ME1: variants seen among roughly 807,000 people sequenced by gnomAD.
ME1 encodes NADP-dependent malic enzyme.
A neutral mutation model predicts 66.4 loss-of-function variants in ME1; 74 were observed. That is an observed-to-expected ratio of 1.11 (90% CI 0.92 to 1.35). ME1 has a LOEUF of 1.35. ME1 is among the 40% of genes most tolerant of loss of function. ME1 has a pLI of 0.00. For synonymous variants in ME1, 251 were observed against 235.6 expected (o/e 1.07, Z -0.60); for missense variants, 750 against 694.1 (o/e 1.08, Z -0.90).
intron 6 of ME1, among the ~76,000 whole-genome samples, chr6:83,294,158 C>CA (rs1251367602): frequency 5.9e-5 from 9 of 152,168 alleles, no homozygotes; most frequent in African/African-American, 1.9e-4. Flanking sequence ...CACTGAAATA[C>CA]ATGCACAATA....
intron 3 of ME1, among the ~76,000 whole-genome samples, chr6:83,356,670 T>G (rs772954154): frequency 3.9e-5 from 6 of 152,184 alleles, no homozygotes; most frequent in African/African-American, 1.4e-4. Flanking sequence ...GAAAAAATGT[T>G]AAGAAAGCAC....
At chr6:83,379,906 C>T (rs1024324064) in intron 3 of ME1, among the ~76,000 whole-genome samples, 2 of 152,018 alleles carry the variant, frequency 1.3e-5, no homozygotes, top group African/African-American at 2.4e-5. Flanking sequence ...TAAGAGGGAA[C>T]ATTTTACTTA....
At chr6:83,261,651 T>C (rs1766890897) in intron 6 of ME1, among the ~76,000 whole-genome samples, 1 of 151,600 alleles carries the variant, frequency 6.6e-6, no homozygotes, top group African/African-American at 2.4e-5. Context: ...AGTTAAACAG[T>C]GGAAAGATCT....
chr6:83,376,509 GA>G (rs1769292637), intron 3 of ME1, among the ~76,000 whole-genome samples: 2 of 137,896 alleles, frequency 1.5e-5, no homozygotes, highest in African/African-American at 5.4e-5. Context: ...AAAAAAAAAA[GA>G]AAAAAAGAGG....
intron 3 of ME1, among the ~76,000 whole-genome samples, chr6:83,369,028 T>C (rs1478608112): frequency 6.6e-6 from 1 of 152,182 alleles, no homozygotes; most frequent in Non-Finnish European, 1.5e-5. Context: ...TTATTATTAA[T>C]ATACTTTAAG....
chr6:83,372,880 T>A (rs1253332288), intron 3 of ME1, among the ~76,000 whole-genome samples: 1 of 152,232 alleles, frequency 6.6e-6, no homozygotes, highest in Non-Finnish European at 1.5e-5. Context: ...CATTTCCAGC[T>A]ATTCACAATG....
intron 3 of ME1, among the ~76,000 whole-genome samples, chr6:83,384,203 G>A (rs1769467063): frequency 6.6e-6 from 1 of 151,868 alleles, no homozygotes; most frequent in African/African-American, 2.4e-5. Flanking sequence ...TGGGATTGCT[G>A]GGTTGAATGG....
intron 6 of ME1, among the ~76,000 whole-genome samples, chr6:83,275,033 T>G (rs1767150973): frequency 6.6e-6 from 1 of 152,120 alleles, no homozygotes; most frequent in South Asian, 2.1e-4. Context: ...AACAGCAATG[T>G]TAAGATAGGA....
At chr6:83,368,666 C>T (rs1201387533) in intron 3 of ME1, among the ~76,000 whole-genome samples, 8 of 152,094 alleles carry the variant, frequency 5.3e-5, no homozygotes, top group Non-Finnish European at 1.0e-4. Context: ...CATGGATTTA[C>T]AAAACTAACA....
chr6:83,216,296 G>A (rs112811043), intron 13 of ME1, among the ~76,000 whole-genome samples: 61 of 152,136 alleles, frequency 4.0e-4, no homozygotes, highest in African/African-American at 1.5e-3. Flanking sequence ...TTAATTATTC[G>A]GCCCAATACT....
chr6:83,239,710 T>C, intron 7 of ME1, 74 bp from the exon 8 acceptor site: 1 of 1,045,242 alleles, frequency 9.6e-7, no homozygotes, highest in Non-Finnish European at 1.5e-6. Flanking sequence ...TATTCACAAC[T>C]TGAAATAATC....
At chr6:83,214,710 T>A (rs1357312896) in intron 13 of ME1, among the ~76,000 whole-genome samples, 1 of 152,208 alleles carries the variant, frequency 6.6e-6, no homozygotes, top group Non-Finnish European at 1.5e-5. Flanking sequence ...ATGCAGAAGA[T>A]GCCCAGGTCT....
At chr6:83,290,198 T>C (rs574597620) in intron 6 of ME1, among the ~76,000 whole-genome samples, 3 of 152,298 alleles carry the variant, frequency 2.0e-5, no homozygotes, top group African/African-American at 7.2e-5. Flanking sequence ...CTTGCTTCTC[T>C]AGTTCTTTTA....
At chr6:83,383,925 C>T (rs1323387788) in intron 3 of ME1, among the ~76,000 whole-genome samples, 4 of 151,808 alleles carry the variant, frequency 2.6e-5, no homozygotes, top group Non-Finnish European at 5.9e-5. Flanking sequence ...AATATTATTA[C>T]AAAATATACA....
At chr6:83,402,784 C>T (rs1283397257) in intron 2 of ME1, among the ~76,000 whole-genome samples, 1 of 152,124 alleles carries the variant, frequency 6.6e-6, no homozygotes, top group Admixed American at 6.6e-5. Flanking sequence ...GGTAAAGAAC[C>T]ACAATCAGCT....
chr6:83,298,924 T>C (rs561755350), intron 6 of ME1, among the ~76,000 whole-genome samples: 1 of 140,698 alleles, frequency 7.1e-6, no homozygotes, highest in Admixed American at 7.4e-5. Context: ...CATTAGTCTA[T>C]GTGTCTGTTT....
intron 5 of ME1, 118 bp downstream of exon 5, chr6:83,346,055 A>T (rs1583392889): frequency 2.5e-6 from 2 of 787,426 alleles, no homozygotes; most frequent in East Asian, 5.5e-5. Context: ...ATTTGGAGAG[A>T]GAAAGAGAAC....
Position 83,348,984 on chromosome 6 carries a change from C to CAAAAA in ME1, c.439-2655_439-2651dup, listed in dbSNP as rs71545855. On this transcript the variant is annotated intron_variant, in intron 4 of 13. Coordinates refer to ENST00000369705, the MANE Select transcript of ME1 (RefSeq NM_002395.6). ...GGGCAACAAGAGCAAAACTCTGTCT[C>CAAAAA]AAAAAAAAAAAAAAAAACAAAAAAC... Among the ~76,000 whole-genome samples, 29 of 47,196 alleles carry CAAAAA rather than the reference C, an allele frequency of 6.1e-4. 1 individual carries two copies. The highest frequency in any genetic ancestry group is 2.0e-3 in the African/African-American group (25 of 12,750). 31.0% of individuals were successfully genotyped at this position (47,196 alleles called of 152,430 possible).
At position 83,346,281 on chromosome 6, in the gene ME1, A is replaced by T; in HGVS notation, c.492T>A (p.Cys164Ter). 6.2e-7 allele frequency: 1 copy of T among 1,613,464 alleles called. No individual in the cohort carries two copies. Among genetic ancestry groups the T allele is most frequent in the Non-Finnish European group, 8.5e-7 (1 of 1,179,578 alleles). ...TACCCACAGGGATGCCCATTCCATT[A>T]CAGCCAAGGTCTCCCAAGCCAAGAA... is the stretch of plus-strand genomic sequence containing the variant. ...ERILGLGDLG[C>*]NGMGIPVGKL... Residue 164 changes from cysteine to a stop codon, truncating the protein, a stop_gained, in exon 5 of 14, where the codon TGT becomes TGA. Transcript: ENST00000369705. LOFTEE classifies it high-confidence loss of function.
Sources: gnomAD v4.1 joint callset for allele counts (sites outside exome capture counted in the v4.1 genomes callset) on GRCh38, gnomAD v4.1.1 for gene constraint, MANE v1.5 for transcripts, NCBI Gene and HGNC (gene_info 2026-07-23, HGNC 2026-07-21) for gene names.